The following HGF variants were observed in gnomAD, a reference collection of about 807,000 sequenced individuals.
HGF encodes hepatocyte growth factor.
HGF carries 39 observed loss-of-function variants against 111.6 expected under a neutral mutation model. That is an observed-to-expected ratio of 0.35 (90% CI 0.27 to 0.46). The LOEUF (loss-of-function observed/expected upper bound fraction) is 0.46. HGF is among the 20% of genes least tolerant of loss of function. HGF has a pLI of 1.00. For synonymous variants in HGF, 285 were observed against 294.8 expected, an observed-to-expected ratio of 0.97 and a Z score of 0.34; for missense variants, 735 against 910.5, an observed-to-expected ratio of 0.81 and a Z score of 2.48.
chr7:81,731,274 G>A (rs1356226270), intron 7 of HGF, among the ~76,000 whole-genome samples: 1 of 152,090 alleles, frequency 6.6e-6, no homozygotes, highest in African/African-American at 2.4e-5. Flanking sequence ...CTTTATTGCA[G>A]CCCATTTAAA....
At chr7:81,712,101 G>A (rs151226458) in intron 11 of HGF, among the ~76,000 whole-genome samples, 43 of 152,206 alleles carry the variant, frequency 2.8e-4, no homozygotes, top group Middle Eastern at 6.8e-3. Flanking sequence ...GCTCTCAGGT[G>A]TGTGTTTTGA....
rs375599838 is a variant in HGF at position 81,762,917 on chromosome 7, G to A, written c.89-45C>T. 7.1e-6 allele frequency: 8 copies of A among 1,133,590 alleles called. No individual in the cohort carries two copies. The East Asian group carries it at 7.6e-5, about 11-fold the overall frequency. 70.2% of individuals were successfully genotyped at this position (1,133,590 alleles called of 1,614,324 possible). ...TTAAAAAAATAAACATTGGAGAAAT[G>A]TTTTTAAGGCTCATATATAAAAAAA... On this transcript the variant is annotated intron_variant, in intron 1 of 17. Coordinates refer to ENST00000222390, the MANE Select transcript of HGF (RefSeq NM_000601.6).
Position 81,707,340 on chromosome 7 carries a change from T to C in HGF, c.1566A>G (p.Ser522=), listed in dbSNP as rs2115779628. The change falls in exon 14 of 18, where the codon TCA becomes TCG. Residue 522 remains serine, a synonymous_variant. Transcript: ENST00000222390. The part of the protein sequence containing the change: ...RYRNKHICGG[S]LIKESWVLTA... ...TAAGAACCCAACTCTCCTTTATCAA[T>C]GATCCTCCGCAGATATGTTTATTTC... 1.3e-6 allele frequency: 2 copies of C among 1,599,440 alleles called. No individual in the cohort carries two copies. The highest frequency in any genetic ancestry group is 8.6e-7 in the Non-Finnish European group (1 of 1,167,280).
chr7:81,717,327 T>C lies in HGF; in HGVS notation c.1310A>G (p.Glu437Gly). 2 of 1,613,690 alleles carry C rather than the reference T, an allele frequency of 1.2e-6. No homozygotes were observed. The highest frequency in any genetic ancestry group is 1.7e-6 in the Non-Finnish European group (2 of 1,179,592). Reference sequence around the variant, plus strand: ...ATCATCTGGATTTCGGCAGTAATTCTCATTCAGCTTACTTGCATCTGGTTC... The same window carrying C: ...ATCATCTGGATTTCGGCAGTAATTCCCATTCAGCTTACTTGCATCTGGTTC... Reference protein sequence around the residue: ...FWEPDASKLNENYCRNPDDDA... With the variant: ...FWEPDASKLNGNYCRNPDDDA... The change falls in exon 11 of 18, where the codon GAG (glutamate) becomes GGG (glycine). Residue 437 changes from glutamate (E) to glycine (G), a missense_variant. Physicochemically the swap from Glu to Gly is moderately conservative, Grantham distance 98. Coordinates refer to ENST00000222390, the MANE Select transcript of HGF (RefSeq NM_000601.6).
intron 5 of HGF, chr7:81,751,071 TC>T (rs1788475997): frequency 1.0e-6 from 1 of 983,468 alleles, no homozygotes; most frequent in African/African-American, 1.7e-5. Flanking sequence ...CAAATCCTTC[TC>T]TGTGACAATT....
chr7:81,763,706 G>A (rs1375368211), intron 1 of HGF, among the ~76,000 whole-genome samples: 1 of 152,134 alleles, frequency 6.6e-6, no homozygotes, highest in Non-Finnish European at 1.5e-5. Context: ...CAATCTGTTA[G>A]TGATCAGCAT....
chr7:81,737,422 T>C (rs938054277), intron 7 of HGF, among the ~76,000 whole-genome samples: 1 of 152,098 alleles, frequency 6.6e-6, no homozygotes, highest in African/African-American at 2.4e-5. Context: ...TTCTGATATA[T>C]AGCAAGAAGT....
At chr7:81,725,619 A>G (rs1373215264) in intron 9 of HGF, among the ~76,000 whole-genome samples, 1 of 152,180 alleles carries the variant, frequency 6.6e-6, no homozygotes, top group Non-Finnish European at 1.5e-5. Context: ...TCAGTTGAAT[A>G]TTAGCTCCAG....
chr7:81,713,700 G>A (rs1043670582), intron 11 of HGF, among the ~76,000 whole-genome samples: 1 of 152,142 alleles, frequency 6.6e-6, no homozygotes, highest in Admixed American at 6.5e-5. Flanking sequence ...GTGGCCGGAT[G>A]CATCCATTTA....
intron 9 of HGF, among the ~76,000 whole-genome samples, chr7:81,721,908 T>C (rs935463953): frequency 6.6e-6 from 1 of 152,200 alleles, no homozygotes; most frequent in African/African-American, 2.4e-5. Flanking sequence ...CGTTAATGAA[T>C]TTTGCATGAA....
rs947760257 is a variant in HGF at position 81,720,798 on chromosome 7, T to G, written c.1218A>C (p.Thr406=). 1.2e-6 allele frequency: 2 copies of G among 1,613,470 alleles called. No individual in the cohort carries two copies. The highest frequency in any genetic ancestry group is 2.2e-5 in the South Asian group (2 of 91,072). The change falls in exon 10 of 18, where the codon ACA becomes ACC. Residue 406 remains threonine (T), a synonymous_variant. Coordinates refer to ENST00000222390, the MANE Select transcript of HGF (RefSeq NM_000601.6). ...GKNYMGNLSQ[T]RSGLTCSMWD... is the part of the protein sequence containing the mutation. ...ACATTGAACATGTTAGTCCAGATCT[T>G]GTTTGGGATAAGTTGCCCATATAAT...
chr7:81,742,488 C>A, intron 7 of HGF, among the ~76,000 whole-genome samples: 1 of 151,848 alleles, frequency 6.6e-6, no homozygotes, highest in East Asian at 1.9e-4. Flanking sequence ...TATTATCAGG[C>A]CAATTTATAA....
chr7:81,763,891 A>G (rs1196329809), intron 1 of HGF, among the ~76,000 whole-genome samples: 5 of 152,288 alleles, frequency 3.3e-5, no homozygotes, highest in South Asian at 2.1e-4. Flanking sequence ...TTAATTGACC[A>G]CTTAGAAGAT....
chr7:81,712,857 T>A (rs1416098742), intron 11 of HGF, among the ~76,000 whole-genome samples: 2 of 152,220 alleles, frequency 1.3e-5, no homozygotes, highest in Non-Finnish European at 2.9e-5. Context: ...TTATTTAAGT[T>A]CATTTTTCAG....
intron 9 of HGF, among the ~76,000 whole-genome samples, chr7:81,722,366 T>C (rs1789886251): frequency 6.6e-6 from 1 of 151,320 alleles, no homozygotes; most frequent in East Asian, 2.0e-4. Context: ...GGTTTCACCA[T>C]GTTGGCCAGA....
intron 4 of HGF, among the ~76,000 whole-genome samples, chr7:81,753,749 A>G (rs1289962726): frequency 1.3e-5 from 2 of 151,976 alleles, no homozygotes; most frequent in African/African-American, 2.4e-5. Flanking sequence ...AATGCATCTA[A>G]GTAGTAATAG....
At chr7:81,755,701 C>T in intron 4 of HGF, 1 of 312,130 alleles carries the variant, frequency 3.2e-6, no homozygotes, top group Non-Finnish European at 5.9e-6. Context: ...CTTCACTATG[C>T]AGGGAGTAAC....
At chr7:81,756,443 A>G in intron 4 of HGF, 2 of 183,860 alleles carry the variant, frequency 1.1e-5, no homozygotes, top group Non-Finnish European at 2.2e-5. Context: ...TACTCCAGTC[A>G]GTATTAGATA....
Position 81,709,149 on chromosome 7 carries a change from G to A in HGF, c.1541+998C>T, listed in dbSNP as rs1017357341. Among the ~76,000 whole-genome samples, 12 of 152,164 alleles carry A rather than the reference G, an allele frequency of 7.9e-5. No individual in the cohort carries two copies. The South Asian group carries it at 1.2e-3, about 16-fold the overall frequency. ...TTTTTCTCTACTCTAGGAGGCTAGC[G>A]GTAAGGGAACAGGAGGGTATTCTAA... On this transcript the variant is annotated intron_variant, in intron 13 of 17. Coordinates refer to ENST00000222390, the MANE Select transcript of HGF (RefSeq NM_000601.6).
Sources: gnomAD v4.1 joint callset for allele counts (sites outside exome capture counted in the v4.1 genomes callset) on GRCh38, gnomAD v4.1.1 for gene constraint, MANE v1.5 for transcripts, NCBI Gene and HGNC (gene_info 2026-07-23, HGNC 2026-07-21) for gene names.